Variants in SIMC1 observed in about 807,000 individuals in gnomAD.
SIMC1 encodes SUMO interacting motifs containing 1, also known as SUMO-interacting motif-containing protein 1.
A neutral mutation model predicts 82.3 loss-of-function variants in SIMC1; 55 were observed. The observed-to-expected ratio is 0.67, with a 90% CI of 0.54 to 0.84. The LOEUF is 0.84. Among genes scored for constraint, SIMC1 ranks in the 40% least tolerant of loss-of-function variants. The pLI is 0.00. For missense variants in SIMC1, 915 were observed against 1,107.2 expected (o/e 0.83, Z 2.46); for synonymous variants, 353 against 426.3 (o/e 0.83, Z 2.12).
In SIMC1 at chr5:176,282,992, C is replaced by T. The variant is rs921581122; in HGVS notation, c.130-6662C>T. Among the ~76,000 whole-genome samples the T allele has an allele frequency of 3.3e-5, 5 of 152,012 alleles. No homozygotes were observed. In the South Asian group the frequency reaches 6.2e-4, roughly 19 times the overall value. Reference sequence around the variant, plus strand: ...TTGGAGAAAAAAGAGTAAAAAGAAACGAACAAAGCCTCCAAGAAATATGGG... The same window carrying T: ...TTGGAGAAAAAAGAGTAAAAAGAAATGAACAAAGCCTCCAAGAAATATGGG... On this transcript the variant is annotated intron_variant, in intron 1 of 9. Transcript: ENST00000429602.
intron 1 of SIMC1, among the ~76,000 whole-genome samples, chr5:176,273,653 C>G (rs1460394858): frequency 2.6e-5 from 4 of 151,058 alleles, no homozygotes; most frequent in Non-Finnish European, 5.9e-5. Context: ...ATCCCTCCCC[C>G]CTCACCTCAC....
rs1373462842 is a variant in SIMC1 at position 176,238,485 on chromosome 5, G to A, written c.-24G>A. The A allele has an allele frequency of 1.9e-5, 23 of 1,223,100 alleles. No homozygotes were observed. The highest frequency in any genetic ancestry group is 1.6e-5 in the African/African-American group (1 of 61,184). 75.8% of individuals were successfully genotyped at this position (1,223,100 alleles called of 1,614,324 possible). A position where few individuals can be genotyped will look rare whatever the true frequency, so the allele number is the denominator to read the frequency against. ...TCGTCGCCGCCGCCGCCACTGCCTG[G>A]GTCTTCGGTCGGGGCCCGCAGCCAT... On this transcript the variant is annotated 5_prime_UTR_variant, in exon 1 of 10. Coordinates refer to ENST00000429602, the MANE Select transcript of SIMC1 (RefSeq NM_001308195.2).
chr5:176,290,958 G>A lies in SIMC1; in HGVS notation c.1431+3G>A. 2 of 1,560,738 alleles carry A rather than the reference G, an allele frequency of 1.3e-6. No homozygotes were observed. The highest frequency in any genetic ancestry group is 2.3e-5 in the East Asian group (1 of 44,278). ...TACCGGATAAAGACACAAGAGAGGT[G>A]AGCTAACATCTTCCCTCAGGGATTA... On this transcript the variant is annotated splice_donor_region_variant and intron_variant, in intron 2 of 9. Transcript: ENST00000429602.
At chr5:176,318,139 A>G (rs1379901962) in intron 5 of SIMC1, among the ~76,000 whole-genome samples, 3 of 152,160 alleles carry the variant, frequency 2.0e-5, no homozygotes, top group Non-Finnish European at 4.4e-5. Context: ...TTATACTCCT[A>G]TGCAAATGAA....
chr5:176,265,005 CAAA>C (rs1262582076), intron 1 of SIMC1, among the ~76,000 whole-genome samples: 1 of 151,568 alleles, frequency 6.6e-6, no homozygotes. Context: ...ACCATTTCTA[CAAA>C]AAAAGCAAAA....
At chr5:176,245,681 G>C (rs758284281) in intron 1 of SIMC1, among the ~76,000 whole-genome samples, 1 of 152,128 alleles carries the variant, frequency 6.6e-6, no homozygotes, top group Non-Finnish European at 1.5e-5. Context: ...TAAAAAGAAA[G>C]TGATATTTAT....
chr5:176,273,849 G>A (rs1304340568), intron 1 of SIMC1, among the ~76,000 whole-genome samples: 1 of 151,958 alleles, frequency 6.6e-6, no homozygotes, highest in African/African-American at 2.4e-5. Context: ...ATTTTTTATG[G>A]CTGCATAGTA....
At chr5:176,320,271 G>T (rs1765101435) in intron 5 of SIMC1, among the ~76,000 whole-genome samples, 1 of 152,152 alleles carries the variant, frequency 6.6e-6, no homozygotes, top group Admixed American at 6.5e-5. Flanking sequence ...CTTGTAGTCT[G>T]CAGGATTGGG....
At chr5:176,308,166 TG>T in intron 4 of SIMC1, 1 of 1,170,466 alleles carries the variant, frequency 8.5e-7, no homozygotes, top group Non-Finnish European at 1.3e-6. Flanking sequence ...GAGGAAGTGA[TG>T]GGGCTGTGGA....
At position 176,290,732 on chromosome 5, in the gene SIMC1, C is replaced by A; in HGVS notation, c.1208C>A (p.Thr403Asn). Reference sequence around the variant, plus strand: ...TGCTCTCCCAGCCCACAGTCTGAAACTCCCTTAGAGAAAGTTCCTTGGCTC... The same window carrying A: ...TGCTCTCCCAGCCCACAGTCTGAAAATCCCTTAGAGAAAGTTCCTTGGCTC... ...PSCSPSPQSE[T>N]PLEKVPWLSV... Residue 403 changes from threonine to asparagine, a missense_variant, in exon 2 of 10, where the codon ACT (threonine) becomes AAT (asparagine). Transcript: ENST00000429602. The A allele has an allele frequency of 6.2e-7, 1 of 1,613,724 alleles. No individual in the cohort carries two copies. The highest frequency in any genetic ancestry group is 1.1e-5 in the South Asian group (1 of 91,026).
intron 1 of SIMC1, among the ~76,000 whole-genome samples, chr5:176,282,916 G>A (rs1763080707): frequency 6.6e-6 from 1 of 152,210 alleles, no homozygotes; most frequent in Admixed American, 6.5e-5. Context: ...CTGGAAGAAA[G>A]GGTATCAGTG....
chr5:176,323,573 T>C (rs918296946), intron 6 of SIMC1, among the ~76,000 whole-genome samples: 6 of 152,200 alleles, frequency 3.9e-5, no homozygotes, highest in African/African-American at 1.4e-4. Context: ...TAGTAACTTG[T>C]CGAAGGTTAA....
chr5:176,289,580 C>T, intron 1 of SIMC1, 74 bp from the exon 2 acceptor site: 1 of 1,208,868 alleles, frequency 8.3e-7, no homozygotes, highest in Non-Finnish European at 1.1e-6. Flanking sequence ...TCCTTAAAAG[C>T]TAAGACTTAA....
chr5:176,273,495 A>G (rs1762537971), intron 1 of SIMC1, among the ~76,000 whole-genome samples: 1 of 152,204 alleles, frequency 6.6e-6, no homozygotes, highest in South Asian at 2.1e-4. Context: ...CCAGAGCAGA[A>G]AAGCTGAAAA....
chr5:176,277,129 T>C (rs1762743389), intron 1 of SIMC1, among the ~76,000 whole-genome samples: 1 of 152,134 alleles, frequency 6.6e-6, no homozygotes, highest in East Asian at 1.9e-4. Context: ...GACTTTTTAA[T>C]GATTGCCATT....
intron 7 of SIMC1, among the ~76,000 whole-genome samples, chr5:176,332,912 A>G (rs1345882608): frequency 1.3e-5 from 2 of 152,182 alleles, no homozygotes; most frequent in East Asian, 1.9e-4. Flanking sequence ...TTGCCTTTTT[A>G]TAGCCACACC....
At chr5:176,327,040 T>C (rs1295410911) in intron 7 of SIMC1, among the ~76,000 whole-genome samples, 2 of 152,208 alleles carry the variant, frequency 1.3e-5, no homozygotes, top group African/African-American at 4.8e-5. Context: ...AAAGTGCACA[T>C]GAATACCATG....
chr5:176,320,961 A>G (rs756442123), intron 5 of SIMC1, among the ~76,000 whole-genome samples: 2 of 151,634 alleles, frequency 1.3e-5, no homozygotes, highest in South Asian at 4.2e-4. Context: ...CTCTCAACCT[A>G]CTCCCAAATC....
chr5:176,276,772 T>C (rs1173257557), intron 1 of SIMC1, among the ~76,000 whole-genome samples: 1 of 141,640 alleles, frequency 7.1e-6, no homozygotes, highest in Non-Finnish European at 1.5e-5. Flanking sequence ...ACAAAGGACA[T>C]GAACTCATCA....
Sources: gnomAD v4.1 joint callset for allele counts (sites outside exome capture counted in the v4.1 genomes callset) on GRCh38, gnomAD v4.1.1 for gene constraint, MANE v1.5 for transcripts, NCBI Gene and HGNC (gene_info 2026-07-23, HGNC 2026-07-21) for gene names.